Variants in GLT1D1 observed in about 807,000 individuals in gnomAD.
The protein encoded by GLT1D1 is glycosyltransferase 1 domain-containing protein 1.
A neutral mutation model predicts 28.7 loss-of-function variants in GLT1D1; 21 were observed. The ratio of observed to expected loss-of-function variants is 0.73; its 90% CI spans 0.52 to 1.05. GLT1D1 has a LOEUF of 1.05. GLT1D1 is among the 50% of genes least tolerant of loss of function. GLT1D1 has a pLI of 0.00. For synonymous variants in GLT1D1, 147 were observed against 124.8 expected (o/e 1.18, Z -1.19); for missense variants, 343 against 330.6 (o/e 1.04, Z -0.29).
intron 7 of GLT1D1, among the ~76,000 whole-genome samples, chr12:128,971,959 T>C (rs1294093839): frequency 1.3e-5 from 2 of 148,192 alleles, no homozygotes; most frequent in Admixed American, 1.4e-4. Flanking sequence ...GCCGGGAGAA[T>C]CCATTGTTTG....
intron 4 of GLT1D1, 108 bp downstream of exon 7, chr12:128,926,562 C>A (rs529092884): frequency 3.2e-6 from 2 of 620,158 alleles, no homozygotes; most frequent in African/African-American, 1.9e-5. Context: ...ATTCTTTGCA[C>A]GTGAGCAGAA....
At chr12:128,967,779 A>G (rs534065608) in intron 7 of GLT1D1, among the ~76,000 whole-genome samples, 1 of 152,218 alleles carries the variant, frequency 6.6e-6, no homozygotes, top group Non-Finnish European at 1.5e-5. Context: ...CTTATGTTTT[A>G]AAAGTGTTTT....
At chr12:128,878,720 A>C (rs1262258200) in intron 2 of GLT1D1, among the ~76,000 whole-genome samples, 1 of 151,568 alleles carries the variant, frequency 6.6e-6, no homozygotes, top group Non-Finnish European at 1.5e-5. Flanking sequence ...TAACCCTCCC[A>C]CCTCAGCCTC....
At chr12:128,871,425 A>G (rs1004977517) in intron 1 of GLT1D1, among the ~76,000 whole-genome samples, 7 of 152,202 alleles carry the variant, frequency 4.6e-5, no homozygotes, top group Non-Finnish European at 5.9e-5. Context: ...AACAGTGAAA[A>G]TGGTAGGCTC....
intron 7 of GLT1D1, among the ~76,000 whole-genome samples, chr12:128,981,628 A>C (rs1168533121): frequency 6.6e-6 from 1 of 152,234 alleles, no homozygotes; most frequent in African/African-American, 2.4e-5. Context: ...AATTTTGAGA[A>C]TATGTTTATG....
intron 4 of GLT1D1, among the ~76,000 whole-genome samples, chr12:128,940,632 A>C (rs1593163417): frequency 6.6e-6 from 1 of 152,166 alleles, no homozygotes. Flanking sequence ...TAATTTTTGC[A>C]TGAATTCAAC....
chr12:128,933,807 C>T (rs996524764), intron 4 of GLT1D1, among the ~76,000 whole-genome samples: 1 of 152,174 alleles, frequency 6.6e-6, no homozygotes, highest in Non-Finnish European at 1.5e-5. Context: ...TTTAATTACA[C>T]TTCTGAATAC....
intron 1 of GLT1D1, among the ~76,000 whole-genome samples, chr12:128,869,086 C>G (rs2096079265): frequency 6.6e-6 from 1 of 152,216 alleles, no homozygotes; most frequent in South Asian, 2.1e-4. Context: ...TTAGGCTGGT[C>G]TCGAACTCCT....
chr12:128,944,832 T>G (rs946423040), intron 4 of GLT1D1: 3 of 254,210 alleles, frequency 1.2e-5, no homozygotes, highest in Admixed American at 5.0e-5. Flanking sequence ...AGTTCTGGGG[T>G]ACATGTGCAC....
At position 128,966,110 on chromosome 12, in the gene GLT1D1, C is replaced by T. The variant is rs118039934; in HGVS notation, c.639+8467C>T. Among the ~76,000 whole-genome samples the T allele has an allele frequency of 6.9e-3, 1,045 of 152,328 alleles. 8 individuals are homozygous for T. The highest frequency in any genetic ancestry group is 0.012 in the Non-Finnish European group (822 of 68,020). On this transcript the variant is annotated intron_variant, in intron 7 of 7. Transcript: ENST00000281703. ...TAGGGTCTTACTGGAGAAAACCTTACGTTTCTCTTTCCCCCTGCAACCACT... is the reference window on the plus strand; with the variant it reads ...TAGGGTCTTACTGGAGAAAACCTTATGTTTCTCTTTCCCCCTGCAACCACT...
intron 6 of GLT1D1, among the ~76,000 whole-genome samples, chr12:128,956,024 T>C (rs1335385720): frequency 6.6e-6 from 1 of 151,368 alleles, no homozygotes. Flanking sequence ...CCGGGCGTGA[T>C]GGCGGGCGCC....
rs1287806158 is a variant in GLT1D1 at position 128,915,037 on chromosome 12, CA to C, written c.375+15751del. On this transcript the variant is annotated intron_variant, in intron 4 of 7. Transcript: ENST00000281703. ...AGGATTTTGATGAAGTGCATCTTGT[CA>C]GTTACTTTCAGGAGCTTGTGACGTT... is the stretch of plus-strand genomic sequence containing the variant. 2.1e-6 allele frequency: 3 copies of C among 1,399,812 alleles called. No individual in the cohort carries two copies. The Admixed American group carries it at 6.0e-5, about 28-fold the overall frequency. The allele number at this position is 1,399,812 out of a possible 1,614,324, so 86.7% of individuals were successfully genotyped here.
At chr12:128,914,573 A>G (rs946686399) in intron 4 of GLT1D1, among the ~76,000 whole-genome samples, 1 of 152,172 alleles carries the variant, frequency 6.6e-6, no homozygotes, top group African/African-American at 2.4e-5. Context: ...TAATCCCAGC[A>G]CTTTGGGAGG....
chr12:128,962,168 G>A (rs1312098968), intron 7 of GLT1D1, among the ~76,000 whole-genome samples: 1 of 152,220 alleles, frequency 6.6e-6, no homozygotes, highest in Non-Finnish European at 1.5e-5. Flanking sequence ...GTGTCCTATG[G>A]CGGCCCCGTG....
intron 4 of GLT1D1, chr12:128,927,126 A>G (rs1401782335): frequency 1.2e-5 from 19 of 1,535,766 alleles, no homozygotes; most frequent in East Asian, 2.4e-5. Flanking sequence ...GAGGAGCCCA[A>G]TGTGCACCTG....
intron 1 of GLT1D1, among the ~76,000 whole-genome samples, chr12:128,874,064 CTTTCTTTCT>C (rs1956776749): frequency 7.4e-5 from 2 of 27,156 alleles, no homozygotes; most frequent in Admixed American, 1.1e-3. Context: ...TCCCTCCTTT[CTTTCTTTCT>C]TTCTTTCTTT....
At chr12:128,889,668 C>T (rs1353078744) in intron 3 of GLT1D1, among the ~76,000 whole-genome samples, 1 of 152,192 alleles carries the variant, frequency 6.6e-6, no homozygotes, top group Admixed American at 6.5e-5. Context: ...TGTTCTGGAC[C>T]AGCCCCCGCA....
intron 7 of GLT1D1, 79 bp downstream of exon 11, chr12:128,957,722 T>C (rs1414964016): frequency 4.2e-6 from 4 of 954,876 alleles, no homozygotes; most frequent in Middle Eastern, 2.1e-4. Flanking sequence ...AGATTCTTTC[T>C]GTTAGCGCTT....
At chr12:128,956,158 C>A (rs1341963365) in intron 6 of GLT1D1, among the ~76,000 whole-genome samples, 12 of 7,460 alleles carry the variant, frequency 1.6e-3, no homozygotes, top group East Asian at 3.7e-3. Context: ...GACTCCATCT[C>A]AAAAAAAAAA....
Sources: gnomAD v4.1 joint callset for allele counts (sites outside exome capture counted in the v4.1 genomes callset) on GRCh38, gnomAD v4.1.1 for gene constraint, MANE v1.5 for transcripts, NCBI Gene and HGNC (gene_info 2026-07-23, HGNC 2026-07-21) for gene names.